GGN: variants seen among roughly 807,000 people sequenced by gnomAD.
The protein encoded by GGN is gametogenetin.
GGN carries 27 observed loss-of-function variants against 35.5 expected under a neutral mutation model. The observed-to-expected ratio is 0.76, with a 90% confidence interval of 0.56 to 1.05. GGN has a LOEUF of 1.05. GGN is among the 50% of genes least tolerant of loss of function. GGN has a pLI of 0.00. For missense variants in GGN, 1,006 were observed against 940.7 expected, an observed-to-expected ratio of 1.07 and a Z score of -0.91; for synonymous variants, 425 against 444.1, an observed-to-expected ratio of 0.96 and a Z score of 0.54.
At chr19:38,388,208 G>A (rs2145145922), upstream of GGN, 3 of 275,634 alleles carry the variant, frequency 1.1e-5, no homozygotes. Flanking sequence ...GCCTTTTTAA[G>A]ACCCGGCAAC....
chr19:38,385,756 G>T lies in GGN; in HGVS notation c.1506C>A (p.Pro502=). The change falls in exon 3 of 4, where the codon CCC becomes CCA. Residue 502 remains proline, a synonymous_variant. Coordinates refer to ENST00000334928, the MANE Select transcript of GGN (RefSeq NM_152657.4). ...CAGGCGGCGAGGGCTCAGCCACGGT[G>T]GGAGCTGGAGCCGGGGATGGGGCCG... The part of the protein sequence containing the change: ...QAPAPSPAPA[P]TVAEPSPPVS... The T allele has an allele frequency of 6.7e-7, 1 of 1,500,570 alleles. No homozygotes were observed. The highest frequency in any genetic ancestry group is 9.1e-7 in the Non-Finnish European group (1 of 1,104,742). 93.0% of individuals were successfully genotyped at this position (1,500,570 alleles called of 1,614,324 possible). A position where few individuals can be genotyped will look rare whatever the true frequency, so the allele number is the denominator to read the frequency against.
rs1231307883 is a variant in GGN at position 38,386,617 on chromosome 19, C to G, written c.645G>C (p.Arg215Ser). The change falls in exon 3 of 4, where the codon AGG becomes AGC. Residue 215 changes from arginine to serine, a missense_variant. Coordinates refer to ENST00000334928, the MANE Select transcript of GGN (RefSeq NM_152657.4). ...GPRNQGQTAG[R>S]ARGGAPPHAG... The stretch of plus-strand genomic sequence containing the variant: ...CATGGGGAGGCGCCCCTCCGCGAGC[C>G]CTGCCGGCCGTCTGGCCCTGGTTGC... 3.7e-6 allele frequency: 6 copies of G among 1,612,784 alleles called. No individual in the cohort carries two copies. Among genetic ancestry groups the G allele is most frequent in the Non-Finnish European group, 3.4e-6 (4 of 1,179,510 alleles).
chr19:38,386,313 C>A lies in GGN; in HGVS notation c.949G>T (p.Gly317Ter). The change falls in exon 3 of 4, where the codon GGA (glycine) becomes TGA (stop). Residue 317 changes from glycine (G) to a stop codon, truncating the protein, a stop_gained. Coordinates refer to ENST00000334928, the MANE Select transcript of GGN (RefSeq NM_152657.4). LOFTEE classifies it high-confidence loss of function. Reference protein sequence around the residue: ...RGAQEAEGGDGDGEGCSGPPS... With the variant: ...RGAQEAEGGD ...GGACCAGAGCACCCTTCGCCGTCTC[C>A]ATCACCTCCCTCGGCTTCCTGTGCC... 6.2e-7 allele frequency: 1 copy of A among 1,611,592 alleles called. No individual in the cohort carries two copies. Among genetic ancestry groups the A allele is most frequent in the South Asian group, 1.1e-5 (1 of 90,754 alleles).
intron 3 of GGN, 103 bp from the exon 4 acceptor site, chr19:38,384,632 CTA>C (rs1334962487): frequency 4.8e-6 from 4 of 839,338 alleles, no homozygotes; most frequent in Non-Finnish European, 7.8e-6. Flanking sequence ...CTTCTGAAGG[CTA>C]TATTGGAATA....
At position 38,386,082 on chromosome 19, in the gene GGN, G is replaced by T. The variant is rs772746048; in HGVS notation, c.1180C>A (p.Pro394Thr). 2 of 1,587,310 alleles carry T rather than the reference G, an allele frequency of 1.3e-6. No homozygotes were observed. Among genetic ancestry groups the T allele is most frequent in the African/African-American group, 1.3e-5 (1 of 74,494 alleles). ...CCGGGAGCTGAGTGTATCTGCTCTG[G>T]TGGTGGCGGAGGGGAGCCCCAAGGC... ...SGPWGSPPPP[P>T]EQIHSAPGPR... is the part of the protein sequence containing the mutation. The change falls in exon 3 of 4, where the codon CCA becomes ACA. Residue 394 changes from proline to threonine, a missense_variant. Physicochemically the swap from Pro to Thr is conservative, Grantham distance 38. Coordinates refer to ENST00000334928, the MANE Select transcript of GGN (RefSeq NM_152657.4).
chr19:38,385,661 G>A lies in GGN; in HGVS notation c.1601C>T (p.Ala534Val), dbSNP rs1312182887. 1 of 1,613,724 alleles carries A rather than the reference G, an allele frequency of 6.2e-7. No individual in the cohort carries two copies. The highest frequency in any genetic ancestry group is 1.3e-5 in the African/African-American group (1 of 74,948). ...GCCATCCTTACGGGTCGCGCCCCGG[G>A]CTGCACGGGAACCCTTGTTCCTGCG... ...RTRRNKGSRA[A>V]RGATRKDGLH... The change falls in exon 3 of 4, where the codon GCC becomes GTC. Residue 534 changes from alanine (A) to valine (V), a missense_variant. By Grantham distance (64) the Ala-to-Val change is moderately conservative (BLOSUM62 0). Transcript: ENST00000334928.
rs1202872274 is a variant in GGN, at chr19:38,386,189, T to C, written c.1073A>G (p.Asp358Gly). The C allele has an allele frequency of 6.9e-6, 11 of 1,601,258 alleles. No individual in the cohort carries two copies. In the Admixed American group the frequency reaches 1.8e-4, roughly 27 times the overall value. The change falls in exon 3 of 4, where the codon GAC (aspartate) becomes GGC (glycine). Residue 358 changes from aspartate to glycine, a missense_variant. By Grantham distance (94) the Asp-to-Gly change is moderately conservative (BLOSUM62 -1). Coordinates refer to ENST00000334928, the MANE Select transcript of GGN (RefSeq NM_152657.4). ...GAAGCGGAAGTGGCGTTCAGGGCCG[T>C]CGGGAGCGCTAACCCAGTCGAATTT... The part of the protein sequence containing the change: ...KPKFDWVSAP[D>G]GPERHFRFNG...
rs769149477 is a variant in GGN, at chr19:38,385,414, C to T, written c.1841+7G>A. 1.2e-5 allele frequency: 20 copies of T among 1,613,528 alleles called. No homozygotes were observed. The highest frequency in any genetic ancestry group is 6.7e-5 in the East Asian group (3 of 44,886). On this transcript the variant is annotated splice_region_variant and intron_variant, in intron 3 of 3. Coordinates refer to ENST00000334928, the MANE Select transcript of GGN (RefSeq NM_152657.4). ...TCGGCACCCTCCTGTCCCTTCTCCC[C>T]TCTCACCAGGCAGAGACGTTGCGTG...
rs770910989 is a variant in GGN at position 38,386,686 on chromosome 19, C to T, written c.576G>A (p.Leu192=). Residue 192 remains leucine (L), a synonymous_variant, in exon 3 of 4, where the codon CTG becomes CTA. Coordinates refer to ENST00000334928, the MANE Select transcript of GGN (RefSeq NM_152657.4). ...QPADRRITPA[L]ATPASPPTES... is the part of the protein sequence containing the mutation. ...CTGTCGGGGGTGAGGCGGGTGTGGC[C>T]AGAGCAGGAGTGATTCTGCGGTCCG... 4 of 1,609,634 alleles carry T rather than the reference C, an allele frequency of 2.5e-6. No individual in the cohort carries two copies. The African/African-American group carries it at 5.3e-5, about 22-fold the overall frequency.
chr19:38,385,784 G>A lies in GGN; in HGVS notation c.1478C>T (p.Ala493Val). The change falls in exon 3 of 4, where the codon GCC (alanine) becomes GTC (valine). Residue 493 changes from alanine to valine, a missense_variant. Coordinates refer to ENST00000334928, the MANE Select transcript of GGN (RefSeq NM_152657.4). Reference protein sequence around the residue: ...ALPPALAADQAPAPSPAPAPT... With the variant: ...ALPPALAADQVPAPSPAPAPT... ...AGCTGGAGCCGGGGATGGGGCCGGG[G>A]CCTGGTCGGCGGCTAAGGCTGGGGG... 1 of 1,555,764 alleles carries A rather than the reference G, an allele frequency of 6.4e-7. No homozygotes were observed. Among genetic ancestry groups the A allele is most frequent in the African/African-American group, 1.4e-5 (1 of 73,692 alleles).
At position 38,385,486 on chromosome 19, in the gene GGN, A is replaced by T; in HGVS notation, c.1776T>A (p.Cys592Ter). Residue 592 changes from cysteine (C) to a stop codon, truncating the protein, a stop_gained, in exon 3 of 4, where the codon TGT (cysteine) becomes TGA (stop). Coordinates refer to ENST00000334928, the MANE Select transcript of GGN (RefSeq NM_152657.4). LOFTEE classifies it high-confidence loss of function. ...GGTGGTGGCAGTAACACTTGCAGGG[A>T]CAGGAGTTAAGCACCTGGAAGGGCA... is the stretch of plus-strand genomic sequence containing the variant. Reference protein sequence around the residue: ...HWLPFQVLNSCPCKCYCHHQP... With the variant: ...HWLPFQVLNS 2 of 1,614,002 alleles carry T rather than the reference A, an allele frequency of 1.2e-6. No homozygotes were observed. Among genetic ancestry groups the T allele is most frequent in the Non-Finnish European group, 8.5e-7 (1 of 1,180,006 alleles).
In GGN at chr19:38,386,748, T is replaced by C. The variant is rs368730873; in HGVS notation, c.514A>G (p.Lys172Glu). 89 of 1,609,586 alleles carry C rather than the reference T, an allele frequency of 5.5e-5. 1 individual carries two copies. The African/African-American group carries it at 1.0e-3, about 18-fold the overall frequency. The change falls in exon 3 of 4, where the codon AAG becomes GAG. Residue 172 changes from lysine (K) to glutamate (E), a missense_variant. Coordinates refer to ENST00000334928, the MANE Select transcript of GGN (RefSeq NM_152657.4). ...SQFPPPLETW[K>E]PPPPLPSERQ... ...TCAGAAGGTAATGGTGGTGGCGGCTTCCAAGTCTCCAGGGGCGGCGGAAAT... is the reference window on the plus strand; with the variant it reads ...TCAGAAGGTAATGGTGGTGGCGGCTCCCAAGTCTCCAGGGGCGGCGGAAAT...
At position 38,386,782 on chromosome 19, in the gene GGN, G is replaced by A. The variant is rs1218298575; in HGVS notation, c.480C>T (p.Ala160=). 2 of 1,610,758 alleles carry A rather than the reference G, an allele frequency of 1.2e-6. No homozygotes were observed. Among genetic ancestry groups the A allele is most frequent in the African/African-American group, 2.7e-5 (2 of 74,800 alleles). Residue 160 remains alanine (A), a synonymous_variant, in exon 3 of 4, where the codon GCC becomes GCT. Coordinates refer to ENST00000334928, the MANE Select transcript of GGN (RefSeq NM_152657.4). ...CCAGGGGCGGCGGAAATTGGGATGGGGCCCTCGGGACAGTGTCCTTCACGG... is the reference window on the plus strand; with the variant it reads ...CCAGGGGCGGCGGAAATTGGGATGGAGCCCTCGGGACAGTGTCCTTCACGG... The part of the protein sequence containing the change: ...QLSVKDTVPR[A]PSQFPPPLET...
chr19:38,387,380 G>A lies in GGN; in HGVS notation c.-19-100C>T. The A allele has an allele frequency of 7.0e-7, 1 of 1,438,566 alleles. No homozygotes were observed. Among genetic ancestry groups the A allele is most frequent in the Non-Finnish European group, 9.1e-7 (1 of 1,099,318 alleles). 89.1% of individuals were successfully genotyped at this position (1,438,566 alleles called of 1,614,324 possible). A position where few individuals can be genotyped will look rare whatever the true frequency, so the allele number is the denominator to read the frequency against. On this transcript the variant is annotated intron_variant, in intron 2 of 3. Transcript: ENST00000334928. The surrounding 1 kb of genome is among the most constrained non-coding windows in gnomAD (Gnocchi z 5.3). ...ATGCGTCCGCACCGGCCCCGCCCCTGTTCTCCAAGATCCGATCAGGCCCAA... is the reference window on the plus strand; with the variant it reads ...ATGCGTCCGCACCGGCCCCGCCCCTATTCTCCAAGATCCGATCAGGCCCAA...
At position 38,386,642 on chromosome 19, in the gene GGN, C is replaced by G; in HGVS notation, c.620G>C (p.Arg207Pro). Residue 207 changes from arginine (R) to proline (P), a missense_variant, in exon 3 of 4, where the codon CGC (arginine) becomes CCC (proline). Arg to Pro is a moderately radical substitution (Grantham distance 103, BLOSUM62 -2). Coordinates refer to ENST00000334928, the MANE Select transcript of GGN (RefSeq NM_152657.4). ...CCTGCCGGCCGTCTGGCCCTGGTTG[C>G]GGGGCCCAGCCTGGCTTTCTGTCGG... The part of the protein sequence containing the change: ...SPPTESQAGP[R>P]NQGQTAGRAR... 1 of 1,612,036 alleles carries G rather than the reference C, an allele frequency of 6.2e-7. No individual in the cohort carries two copies. Among genetic ancestry groups the G allele is most frequent in the Non-Finnish European group, 8.5e-7 (1 of 1,178,944 alleles).
chr19:38,385,950 GT>G lies in GGN; in HGVS notation c.1311del (p.Leu437PhefsTer52), dbSNP rs763084721. The part of the protein sequence containing the change: ...MRPGPPGLQE[L>X]PPLPPPTPPP... ...GGCGGTGTGGGCGGTGGCAGCGGTG[GT>G]AACTCCTGCAGGCCTGGAGGCCCCG... On this transcript the variant is annotated frameshift_variant, in exon 3 of 4. Coordinates refer to ENST00000334928, the MANE Select transcript of GGN (RefSeq NM_152657.4). LOFTEE classifies it high-confidence loss of function. 6.3e-7 allele frequency: 1 copy of G among 1,597,672 alleles called. No homozygotes were observed. The highest frequency in any genetic ancestry group is 1.3e-5 in the African/African-American group (1 of 74,684).
Position 38,386,072 on chromosome 19 carries a change from A to T in GGN, c.1190T>A (p.Ile397Lys). The T allele has an allele frequency of 1.3e-6, 2 of 1,590,762 alleles. No homozygotes were observed. Among genetic ancestry groups the T allele is most frequent in the Non-Finnish European group, 1.7e-6 (2 of 1,170,054 alleles). ...CCTCCGGGGCCCGGGAGCTGAGTGT[A>T]TCTGCTCTGGTGGTGGCGGAGGGGA... ...WGSPPPPPEQIHSAPGPRRPA... is the reference protein window; with the variant it reads ...WGSPPPPPEQKHSAPGPRRPA... The change falls in exon 3 of 4, where the codon ATA becomes AAA. Residue 397 changes from isoleucine (I) to lysine (K), a missense_variant. Ile to Lys is a moderately radical substitution (Grantham distance 102). Coordinates refer to ENST00000334928, the MANE Select transcript of GGN (RefSeq NM_152657.4).
rs371690896 is a variant in GGN, at chr19:38,386,862, C to T, written c.400G>A (p.Gly134Ser). The T allele has an allele frequency of 5.6e-6, 9 of 1,593,176 alleles. No homozygotes were observed. The African/African-American group carries it at 1.1e-4, about 19-fold the overall frequency. ...RLLEASHRGQ[G>S]DPPSLRPLKP... ...AGCGGGCGGAGGCTCGGAGGGTCGC[C>T]CTGGCCGCGATGGCTCGCCTCCAGC... Residue 134 changes from glycine (G) to serine (S), a missense_variant, in exon 3 of 4, where the codon GGC (glycine) becomes AGC (serine). Gly to Ser is a moderately conservative substitution (Grantham distance 56). Coordinates refer to ENST00000334928, the MANE Select transcript of GGN (RefSeq NM_152657.4).
chr19:38,384,319 C>T lies in GGN; in HGVS notation c.*93G>A, dbSNP rs1970673146. ...ATCCTGCCCTGCTGCACCCTACCCA[C>T]TGCCTTGGCGAGTGATTGACAGGCT... On this transcript the variant is annotated 3_prime_UTR_variant, in exon 4 of 4. Transcript: ENST00000334928. 1 of 911,516 alleles carries T rather than the reference C, an allele frequency of 1.1e-6. No individual in the cohort carries two copies. 56.5% of individuals were successfully genotyped at this position (911,516 alleles called of 1,614,324 possible).
Sources: gnomAD v4.1 joint callset for allele counts on GRCh38, gnomAD v4.1.1 for gene constraint, Gnocchi (gnomAD v3.1) non-coding constraint, MANE v1.5 for transcripts, NCBI Gene and HGNC (gene_info 2026-07-23, HGNC 2026-07-21) for gene names.